The following POLA1 variants were observed in gnomAD, a reference collection of about 807,000 sequenced individuals.
The protein encoded by POLA1 is DNA polymerase alpha catalytic subunit.
Under a neutral mutation model 124.0 loss-of-function variants are expected in POLA1, and 15 were observed. The ratio of observed to expected loss-of-function variants is 0.12; its 90% CI spans 0.08 to 0.19. POLA1 has a LOEUF of 0.19. Among genes scored for constraint, POLA1 ranks in the 10% least tolerant of loss-of-function variants. The pLI, the probability that POLA1 is intolerant of heterozygous loss-of-function variation, is 1.00. For missense variants in POLA1, 886 were observed against 1,103.4 expected (o/e 0.80, Z 2.79); for synonymous variants, 408 against 389.4 (o/e 1.05, Z -0.56).
At chrX:24,784,331 G>A (rs1467948437) in intron 26 of POLA1, among the ~76,000 whole-genome samples, 8 of 110,690 alleles carry the variant, frequency 7.2e-5, no homozygotes, top group Admixed American at 5.8e-4. Context: ...GATTACAGGC[G>A]TGAGCCACTG....
At chrX:24,896,741 G>T (rs943097526) in intron 35 of POLA1, among the ~76,000 whole-genome samples, 3 of 112,269 alleles carry the variant, frequency 2.7e-5, no homozygotes, top group African/African-American at 9.7e-5. Context: ...TACAGAGAAT[G>T]ACATGTAGAC....
At chrX:24,980,707 T>C in intron 36 of POLA1, among the ~76,000 whole-genome samples, 2 of 110,952 alleles carry the variant, frequency 1.8e-5, no homozygotes, top group Middle Eastern at 4.7e-3. Flanking sequence ...AAAGATGGGC[T>C]TTTCACTTGT....
At position 24,941,851 on chromosome X, in the gene POLA1, AG is replaced by A. The variant is rs2047911491; in HGVS notation, c.4261+11303del. Among the ~76,000 whole-genome samples the A allele has an allele frequency of 2.7e-5, 3 of 112,159 alleles. No individual in the cohort carries two copies. The South Asian group carries it at 1.1e-3, about 42-fold the overall frequency. On this transcript the variant is annotated intron_variant, in intron 36 of 36. Coordinates refer to ENST00000379068, the MANE Select transcript of POLA1 (RefSeq NM_001330360.2). ...CCTGCAAGCCCTAGCACCATCCCCT[AG>A]AGCTTAAGGCTTAAACTAGTTCGTA... is the stretch of plus-strand genomic sequence containing the variant.
chrX:24,952,928 G>C (rs931098950), intron 36 of POLA1, among the ~76,000 whole-genome samples: 2 of 111,851 alleles, frequency 1.8e-5, no homozygotes, highest in Non-Finnish European at 3.8e-5. Flanking sequence ...TTTGTTATTT[G>C]GTTGCCATTT....
intron 34 of POLA1, among the ~76,000 whole-genome samples, chrX:24,875,288 G>A (rs2046916460): frequency 9.0e-6 from 1 of 111,363 alleles, no homozygotes; most frequent in African/African-American, 3.3e-5. Flanking sequence ...GTGTGATGGG[G>A]ATTTTAGGCC....
rs763577325 is a variant in POLA1 at position 24,791,241 on chromosome X, C to T, written c.2965-18657C>T. ...CAGACCTGTGTCATCTATCCTCATT[C>T]CTTGAAACTTGGGGGTATCCTAGAT... On this transcript the variant is annotated intron_variant, in intron 26 of 36. Coordinates refer to ENST00000379068, the MANE Select transcript of POLA1 (RefSeq NM_001330360.2). 3.6e-5 allele frequency among the ~76,000 whole-genome samples: 4 copies of T among 111,316 alleles called. No homozygotes were observed. In the East Asian group the frequency reaches 1.1e-3, roughly 31 times the overall value.
intron 30 of POLA1, among the ~76,000 whole-genome samples, chrX:24,817,607 CAAAA>C (rs1171262514): frequency 3.0e-5 from 1 of 33,479 alleles, no homozygotes. Flanking sequence ...GATTCCATCT[CAAAA>C]AAAAAAAAAA....
chrX:24,780,510 T>G (rs1296598720), intron 26 of POLA1, among the ~76,000 whole-genome samples: 1 of 112,348 alleles, frequency 8.9e-6, no homozygotes, highest in South Asian at 3.7e-4. Flanking sequence ...CAGTAATGAG[T>G]GTTGGATTTT....
chrX:24,721,170 T>A (rs1270913666), intron 10 of POLA1, among the ~76,000 whole-genome samples: 8 of 113,208 alleles, frequency 7.1e-5, no homozygotes, highest in African/African-American at 2.6e-4. Context: ...TAATTTGTTA[T>A]TGATCTGTCA....
chrX:24,990,428 A>G (rs2048521997), intron 36 of POLA1, among the ~76,000 whole-genome samples: 1 of 112,429 alleles, frequency 8.9e-6, no homozygotes, highest in Non-Finnish European at 1.9e-5. Context: ...TGAGTATTCC[A>G]GTTCTCCTCC....
chrX:24,708,011 T>C lies in POLA1; in HGVS notation c.346+3542T>C, dbSNP rs1453844043. Among the ~76,000 whole-genome samples the C allele has an allele frequency of 2.7e-5, 3 of 111,584 alleles. No individual in the cohort carries two copies. The Admixed American group carries it at 2.8e-4, about 11-fold the overall frequency. ...CAAAACAAAACCATAGAGAAAAATA[T>C]CAACCAAGTCCCAGTGAAGAAAAAT... On this transcript the variant is annotated intron_variant, in intron 4 of 36. Coordinates refer to ENST00000379068, the MANE Select transcript of POLA1 (RefSeq NM_001330360.2).
intron 26 of POLA1, among the ~76,000 whole-genome samples, chrX:24,787,162 T>C (rs763983736): frequency 7.2e-4 from 81 of 111,853 alleles, no homozygotes; most frequent in Middle Eastern, 4.7e-3. Context: ...AAATATTTTC[T>C]CTCATTTTGT....
intron 15 of POLA1, among the ~76,000 whole-genome samples, chrX:24,730,507 A>G (rs958109595): frequency 2.7e-5 from 3 of 111,997 alleles, no homozygotes; most frequent in Non-Finnish European, 5.6e-5. Flanking sequence ...TGGCCTCCCA[A>G]AGTGCTGGGA....
chrX:24,854,022 G>A (rs1191885618), intron 34 of POLA1, among the ~76,000 whole-genome samples: 1 of 112,005 alleles, frequency 8.9e-6, no homozygotes, highest in African/African-American at 3.2e-5. Context: ...ATACAATGAT[G>A]AATAGTACAG....
rs113905438 is a variant in POLA1, at chrX:24,919,796, GT to G, written c.4165-10646del. ...ATTTTCCTAATGCTCTCCCTCCCCA[GT>G]TTTTTTTTTTGTTTTTTTTTTTGTT... is the stretch of plus-strand genomic sequence containing the variant. On this transcript the variant is annotated intron_variant, in intron 35 of 36. Transcript: ENST00000379068. 4.3e-4 allele frequency among the ~76,000 whole-genome samples: 17 copies of G among 39,480 alleles called. No individual in the cohort carries two copies. The East Asian group carries it at 5.4e-3, about 13-fold the overall frequency. The allele number at this position is 39,480 out of a possible 115,157, so 34.3% of individuals were successfully genotyped here. A position where few individuals can be genotyped will look rare whatever the true frequency, so the allele number is the denominator to read the frequency against.
intron 26 of POLA1, among the ~76,000 whole-genome samples, chrX:24,781,181 C>T (rs1167463137): frequency 1.8e-5 from 2 of 111,056 alleles, no homozygotes; most frequent in African/African-American, 3.3e-5. Flanking sequence ...TTTTTTCCAG[C>T]GATGGTAGTC....
chrX:24,841,866 T>C, intron 33 of POLA1, 36 bp downstream of exon 33: 1 of 1,048,079 alleles, frequency 9.5e-7, no homozygotes, highest in Non-Finnish European at 1.3e-6. Context: ...GTGAGTGAAC[T>C]TGTATAAAGG....
At chrX:24,910,806 G>A (rs1166877655) in intron 35 of POLA1, among the ~76,000 whole-genome samples, 5 of 111,671 alleles carry the variant, frequency 4.5e-5, no homozygotes, top group African/African-American at 9.8e-5. Context: ...ATTATACTTC[G>A]CAAGCGTGAC....
Position 24,913,528 on chromosome X carries a change from A to G in POLA1, c.4165-16925A>G, listed in dbSNP as rs997099531. On this transcript the variant is annotated intron_variant, in intron 35 of 36. Transcript: ENST00000379068. ...GTAGTTCAAGACCAGCCTGGCCAAC[A>G]TGGTGAAACCCTGTCTCTACTAAAA... Among the ~76,000 whole-genome samples, 3 of 109,399 alleles carry G rather than the reference A, an allele frequency of 2.7e-5. No homozygotes were observed. The South Asian group carries it at 1.2e-3, about 44-fold the overall frequency. 95.0% of individuals were successfully genotyped at this position (109,399 alleles called of 115,157 possible). A position where few individuals can be genotyped will look rare whatever the true frequency, so the allele number is the denominator to read the frequency against.
Sources: gnomAD v4.1 joint callset for allele counts (sites outside exome capture counted in the v4.1 genomes callset) on GRCh38, gnomAD v4.1.1 for gene constraint, MANE v1.5 for transcripts, NCBI Gene and HGNC (gene_info 2026-07-23, HGNC 2026-07-21) for gene names.